Variants in ARHGEF1 observed in about 807,000 individuals in gnomAD.
ARHGEF1 encodes the protein 115 kDa guanine nucleotide exchange factor.
Under a neutral mutation model 119.7 loss-of-function variants are expected in ARHGEF1, and 40 were observed. The observed-to-expected ratio is 0.33, with a 90% CI of 0.26 to 0.44. ARHGEF1 has a LOEUF of 0.44. Ranked by LOEUF, ARHGEF1 falls within the 20% of genes least tolerant of loss-of-function variation. The pLI is 1.00. For missense variants in ARHGEF1, 976 were observed against 1,268.3 expected (o/e 0.77, Z 3.50); for synonymous variants, 494 against 521.0 (o/e 0.95, Z 0.71).
intron 1 of ARHGEF1, among the ~76,000 whole-genome samples, chr19:41,924,878 G>A (rs1454319272): frequency 1.3e-5 from 2 of 152,140 alleles, no homozygotes; most frequent in African/African-American, 2.4e-5. Context: ...AGATCTGAAG[G>A]TTTCTTCCTA....
At chr19:41,898,008 G>A (rs1555848258) in intron 13 of ARHGEF1, 13 of 1,326,772 alleles carry the variant, frequency 9.8e-6, no homozygotes, top group Middle Eastern at 2.0e-4. Flanking sequence ...CGGCCTTCCC[G>A]GGGCAGCCTC....
At chr19:41,926,792 A>C (rs2074874119) in intron 1 of ARHGEF1, among the ~76,000 whole-genome samples, 2 of 152,142 alleles carry the variant, frequency 1.3e-5, no homozygotes, top group African/African-American at 4.8e-5. Flanking sequence ...AGAGCGACCG[A>C]TCGATTCGCT....
At chr19:41,884,441 G>T in intron 1 of ARHGEF1, 2 of 1,604,874 alleles carry the variant, frequency 1.2e-6, no homozygotes. Context: ...GAGCCCGAGC[G>T]CGGAGGCTTC....
Position 41,884,588 on chromosome 19 carries a change from T to G in ARHGEF1, c.-20+1299T>G. The G allele has an allele frequency of 2.7e-6, 4 of 1,503,396 alleles. No homozygotes were observed. The South Asian group carries it at 4.7e-5, about 18-fold the overall frequency. The allele number at this position is 1,503,396 out of a possible 1,614,324, so 93.1% of individuals were successfully genotyped here. On this transcript the variant is annotated intron_variant, in intron 1 of 28. Transcript: ENST00000354532. ...GCACACTGCCACGTCCCCCGTAGGA[T>G]TTAGGGCCCGCGTAAGACCCGCCAC... is the stretch of plus-strand genomic sequence containing the variant.
In ARHGEF1 at chr19:41,928,934, GCA is replaced by G. The variant is rs1555853599; in HGVS notation, c.250_251del (p.Arg85GlnfsTer4). The G allele has an allele frequency of 2.2e-6, 1 of 456,158 alleles. No homozygotes were observed. Among genetic ancestry groups the G allele is most frequent in the East Asian group, 7.0e-5 (1 of 14,348 alleles). 28.3% of individuals were successfully genotyped at this position (456,158 alleles called of 1,614,324 possible). On this transcript the variant is annotated frameshift_variant, in exon 2 of 3. Transcript: ENST00000594417. LOFTEE classifies it high-confidence loss of function. ...TGGACCGGGACTGGAACACGGACCC[GCA>G]CACACGCAGCCTGGATAGGAGATAC...
upstream of ARHGEF1, among the ~76,000 whole-genome samples, chr19:41,919,161 C>A (rs1296664186): frequency 6.6e-6 from 1 of 151,958 alleles, no homozygotes; most frequent in African/African-American, 2.4e-5. Flanking sequence ...ACACCACTCG[C>A]AGCTTACTAC....
chr19:41,908,478 G>C (rs959901885), downstream of ARHGEF1: 19 of 1,231,444 alleles, frequency 1.5e-5, no homozygotes, highest in Non-Finnish European at 1.9e-5. The surrounding 1 kb of genome is among the most constrained non-coding windows in gnomAD (Gnocchi z 6.7). Flanking sequence ...CGTGGCTGTG[G>C]GGCCTCCCCC....
chr19:41,883,677 G>T lies in ARHGEF1; in HGVS notation c.-20+388G>T, dbSNP rs1401639460. On this transcript the variant is annotated intron_variant, in intron 1 of 28. Coordinates refer to ENST00000354532, the MANE Select transcript of ARHGEF1 (RefSeq NM_004706.4). This position sits in a 1 kb window ranked among gnomAD's most constrained non-coding sequence, Gnocchi z 7.6. ...GGATTTGAACTCGCACGTGCTTTCC[G>T]CAAAGCGCCATCCTCCAACCCCCGC... is the stretch of plus-strand genomic sequence containing the variant. 6.6e-6 allele frequency among the ~76,000 whole-genome samples: 1 copy of T among 152,280 alleles called. No individual in the cohort carries two copies. Among genetic ancestry groups the T allele is most frequent in the Middle Eastern group, 3.4e-3 (1 of 294 alleles).
Position 41,905,372 on chromosome 19 carries a change from A to C in ARHGEF1, c.2336+111A>C. 3.2e-6 allele frequency: 3 copies of C among 935,168 alleles called. No individual in the cohort carries two copies. The highest frequency in any genetic ancestry group is 4.8e-6 in the Non-Finnish European group (3 of 618,942). The allele number at this position is 935,168 out of a possible 1,614,324, so 57.9% of individuals were successfully genotyped here. ...CTCTGTGTGAGCATGCACATGTGTG[A>C]ATGCATGTGTGTGCATACATGTGTG... On this transcript the variant is annotated intron_variant, in intron 24 of 28. Transcript: ENST00000354532. This position sits in a 1 kb window ranked among gnomAD's most constrained non-coding sequence, Gnocchi z 6.4.
rs199574398 is a variant in ARHGEF1, at chr19:41,895,356, G to A, written c.885G>A (p.Lys295=). ...RHLKAEVDAE[K]PGATDRKGGV... The stretch of plus-strand genomic sequence containing the variant: ...CCCTCACTGTCTCCCCAGCCGAGAA[G>A]CCAGGTGCTACAGACCGGAAGGGAG... The change falls in exon 12 of 29, where the codon AAG becomes AAA. Residue 295 remains lysine (K), a synonymous_variant. Coordinates refer to ENST00000354532, the MANE Select transcript of ARHGEF1 (RefSeq NM_004706.4). 8.1e-6 allele frequency: 13 copies of A among 1,608,086 alleles called. No homozygotes were observed. The highest frequency in any genetic ancestry group is 1.3e-5 in the African/African-American group (1 of 74,792).
chr19:41,893,130 T>G, intron 7 of ARHGEF1, 144 bp from the exon 8 acceptor site: 1 of 1,180,926 alleles, frequency 8.5e-7, no homozygotes, highest in Non-Finnish European at 1.2e-6. Flanking sequence ...CTTATGACAG[T>G]CCTTCCCAAT....
At chr19:41,897,427 T>A in intron 13 of ARHGEF1, 1 of 923,416 alleles carries the variant, frequency 1.1e-6, no homozygotes, top group Non-Finnish European at 1.4e-6. Context: ...TCACTCCCTG[T>A]GAGGGGTGGG....
At position 41,888,882 on chromosome 19, in the gene ARHGEF1, G is replaced by T; in HGVS notation, c.225+17G>T. 6 of 1,598,956 alleles carry T rather than the reference G, an allele frequency of 3.8e-6. No homozygotes were observed. Among genetic ancestry groups the T allele is most frequent in the Non-Finnish European group, 5.1e-6 (6 of 1,168,118 alleles). ...GGACCCCTGGTGAGGGCAGGGCTGGGTGGGCACAGGGAGGGGTGGGGCTGG... is the reference window on the plus strand; with the variant it reads ...GGACCCCTGGTGAGGGCAGGGCTGGTTGGGCACAGGGAGGGGTGGGGCTGG... On this transcript the variant is annotated intron_variant, in intron 4 of 28. Transcript: ENST00000354532. This position sits in a 1 kb window ranked among gnomAD's most constrained non-coding sequence, Gnocchi z 5.1.
chr19:41,891,782 A>G (rs1314299994), intron 4 of ARHGEF1, among the ~76,000 whole-genome samples: 2 of 152,134 alleles, frequency 1.3e-5, no homozygotes, highest in Non-Finnish European at 2.9e-5. Context: ...ATGATGAAGA[A>G]CCACAAAGGA....
intron 13 of ARHGEF1, 132 bp downstream of exon 13, chr19:41,896,614 G>A (rs997508232): frequency 2.0e-5 from 15 of 759,142 alleles, no homozygotes; most frequent in Non-Finnish European, 3.0e-5. Flanking sequence ...CTGCTCTCTG[G>A]GTCTGGCCAT....
chr19:41,924,576 G>GT (rs147933187), intron 1 of ARHGEF1, among the ~76,000 whole-genome samples: 4,026 of 152,218 alleles, frequency 0.026, 178 homozygotes, highest in African/African-American at 0.091. Context: ...TAGGTGTTAT[G>GT]TGGTGGAACA....
chr19:41,906,685 T>A lies in ARHGEF1; in HGVS notation c.2656-18T>A. ...GGAAGGAAGGGGCCCCCCTCATCCA[T>A]GACCCCCACCCCACCAGGAGTTGGA... is the stretch of plus-strand genomic sequence containing the variant. On this transcript the variant is annotated intron_variant, in intron 27 of 28. Transcript: ENST00000354532. The surrounding 1 kb of genome is among the most constrained non-coding windows in gnomAD (Gnocchi z 4.5). The A allele has an allele frequency of 6.2e-7, 1 of 1,601,994 alleles. No homozygotes were observed. The highest frequency in any genetic ancestry group is 8.5e-7 in the Non-Finnish European group (1 of 1,175,558).
rs1355902081 is a variant in ARHGEF1, at chr19:41,903,013, G to C, written c.1738+115G>C. 4 of 878,434 alleles carry C rather than the reference G, an allele frequency of 4.6e-6. No homozygotes were observed. The highest frequency in any genetic ancestry group is 6.8e-6 in the Non-Finnish European group (4 of 587,884). The allele number at this position is 878,434 out of a possible 1,614,324, so 54.4% of individuals were successfully genotyped here. On this transcript the variant is annotated intron_variant, in intron 18 of 28. Coordinates refer to ENST00000354532, the MANE Select transcript of ARHGEF1 (RefSeq NM_004706.4). The surrounding 1 kb of genome is among the most constrained non-coding windows in gnomAD (Gnocchi z 4.2). ...AGCTCACTGCAGCCTCAACCTCCCA[G>C]GATCTACCATCCTCCCACCTCAGCT... is the stretch of plus-strand genomic sequence containing the variant.
chr19:41,922,031 C>T (rs782487826), upstream of ARHGEF1, among the ~76,000 whole-genome samples: 8 of 152,040 alleles, frequency 5.3e-5, no homozygotes, highest in Non-Finnish European at 8.8e-5. Context: ...CATCGGGCCC[C>T]ACCCCTCTAT....
Sources: allele counts gnomAD v4.1 joint callset (sites outside exome capture counted in the v4.1 genomes callset), GRCh38; gene constraint gnomAD v4.1.1; non-coding constraint Gnocchi (gnomAD v3.1); transcripts MANE v1.5; gene names NCBI Gene and HGNC (gene_info 2026-07-23, HGNC 2026-07-21).